Variants in DLEC1 observed in about 807,000 individuals in gnomAD.
The protein encoded by DLEC1 is DLEC1 cilia and flagella associated protein, also known as deleted in lung and esophageal cancer protein 1.
Under a neutral mutation model 198.1 loss-of-function variants are expected in DLEC1, and 146 were observed. That is an observed-to-expected ratio of 0.74 (90% CI 0.64 to 0.85). DLEC1 has a LOEUF of 0.85. Among genes scored for constraint, DLEC1 ranks in the 40% least tolerant of loss-of-function variants. DLEC1 has a pLI of 0.00. For missense variants in DLEC1, 2,233 were observed against 2,220.0 expected, an observed-to-expected ratio of 1.01 and a Z score of -0.12; for synonymous variants, 897 against 866.8, an observed-to-expected ratio of 1.03 and a Z score of -0.61.
rs1256337356 is a variant in DLEC1, at chr3:38,092,754, A to G, written c.1666-36A>G. The G allele has an allele frequency of 3.1e-6, 5 of 1,591,030 alleles. No homozygotes were observed. In the African/African-American group the frequency reaches 6.7e-5, roughly 21 times the overall value. On this transcript the variant is annotated intron_variant, in intron 10 of 36. Coordinates refer to ENST00000308059, the MANE Select transcript of DLEC1 (RefSeq NM_007335.4). Reference sequence around the variant, plus strand: ...GAGGCGGGGAGGGTGGAAGCCCTTTAATGGGAGGTAACGGAACAACCCTTC... The same window carrying G: ...GAGGCGGGGAGGGTGGAAGCCCTTTGATGGGAGGTAACGGAACAACCCTTC...
intron 2 of DLEC1, among the ~76,000 whole-genome samples, chr3:38,052,699 G>A (rs913602057): frequency 2.0e-5 from 3 of 152,122 alleles, no homozygotes; most frequent in African/African-American, 7.2e-5. Context: ...CTTGCATTGG[G>A]GTGGCCAAAG....
chr3:38,095,505 A>C (rs1698967574), intron 13 of DLEC1: 1 of 305,822 alleles, frequency 3.3e-6, no homozygotes, highest in Non-Finnish European at 6.2e-6. Flanking sequence ...CATGAAAAGG[A>C]TGCTCCGGGG....
In DLEC1 at chr3:38,039,767, G is replaced by A. The variant is rs74733931; in HGVS notation, c.411+131G>A. On this transcript the variant is annotated intron_variant, in intron 1 of 36. Transcript: ENST00000308059. ...CAGTTGAGAAACAGCCCATCATGCC[G>A]AAGTGGGCCCGACATTCTAGTGGAA... 1.8e-3 allele frequency: 2,282 copies of A among 1,247,248 alleles called. 34 individuals carry two copies. The African/African-American group carries it at 0.029, about 16-fold the overall frequency. The allele number at this position is 1,247,248 out of a possible 1,614,324, so 77.3% of individuals were successfully genotyped here.
chr3:38,122,623 A>G lies in DLEC1; in HGVS notation c.*211A>G, dbSNP rs1205611931. On this transcript the variant is annotated 3_prime_UTR_variant, in exon 37 of 37. Transcript: ENST00000308059. Reference sequence around the variant, plus strand: ...TAACATAAAGGACAGGCCACACCACAGCAGAGACCACCACATTGAGATCAC... The same window carrying G: ...TAACATAAAGGACAGGCCACACCACGGCAGAGACCACCACATTGAGATCAC... The G allele has an allele frequency of 2.0e-6, 3 of 1,526,606 alleles. No homozygotes were observed. Among genetic ancestry groups the G allele is most frequent in the Non-Finnish European group, 2.6e-6 (3 of 1,142,208 alleles). 94.6% of individuals were successfully genotyped at this position (1,526,606 alleles called of 1,614,324 possible). A position where few individuals can be genotyped will look rare whatever the true frequency, so the allele number is the denominator to read the frequency against.
chr3:38,066,104 A>T (rs967866039), intron 6 of DLEC1, among the ~76,000 whole-genome samples: 6 of 152,178 alleles, frequency 3.9e-5, no homozygotes, highest in Admixed American at 3.9e-4. Context: ...ATTGCAATCC[A>T]TCAGGAGGAA....
Position 38,112,465 on chromosome 3 carries a change from C to G in DLEC1, c.3666+104C>G. On this transcript the variant is annotated intron_variant, in intron 25 of 36. Transcript: ENST00000308059. This position sits in a 1 kb window ranked among gnomAD's most constrained non-coding sequence, Gnocchi z 4.8. ...ACACCTGGCCCTCAGACTCTCAAAC[C>G]TCACCAGGTTGAAACGCGATGCCCA... The G allele has an allele frequency of 6.6e-7, 1 of 1,526,442 alleles. No homozygotes were observed. The highest frequency in any genetic ancestry group is 8.9e-7 in the Non-Finnish European group (1 of 1,119,734). The allele number at this position is 1,526,442 out of a possible 1,614,324, so 94.6% of individuals were successfully genotyped here.
At chr3:38,102,876 G>C (rs887515038) in intron 19 of DLEC1, among the ~76,000 whole-genome samples, 11 of 152,220 alleles carry the variant, frequency 7.2e-5, no homozygotes, top group African/African-American at 2.2e-4. Context: ...ACAGTTGAGA[G>C]GTCCAGTGTT....
At position 38,062,357 on chromosome 3, in the gene DLEC1, G is replaced by A. The variant is rs746980614; in HGVS notation, c.862G>A (p.Glu288Lys). 6.2e-7 allele frequency: 1 copy of A among 1,614,190 alleles called. No individual in the cohort carries two copies. The highest frequency in any genetic ancestry group is 8.5e-7 in the Non-Finnish European group (1 of 1,180,052). Residue 288 changes from glutamate to lysine, a missense_variant, in exon 4 of 37, where the codon GAA becomes AAA. By Grantham distance (56) the Glu-to-Lys change is moderately conservative. Coordinates refer to ENST00000308059, the MANE Select transcript of DLEC1 (RefSeq NM_007335.4). Reference protein sequence around the residue: ...LTPKAKERTREPLKKASQPRN... With the variant: ...LTPKAKERTRKPLKKASQPRN... ...TCCTAAGGCCAAAGAAAGGACCAGA[G>A]AACCTCTCAAGGTCAGTTTGGAAGG...
intron 33 of DLEC1, among the ~76,000 whole-genome samples, chr3:38,118,236 A>G (rs1375920128): frequency 6.6e-6 from 1 of 152,144 alleles, no homozygotes; most frequent in Non-Finnish European, 1.5e-5. Context: ...GCATGGCCAC[A>G]CCAGACGTTG....
intron 3 of DLEC1, among the ~76,000 whole-genome samples, chr3:38,060,814 C>T (rs1020217878): frequency 7.2e-5 from 11 of 152,106 alleles, no homozygotes; most frequent in African/African-American, 2.4e-4. Context: ...CCTTCCTCAG[C>T]CTCCCAAGTA....
chr3:38,117,498 T>C (rs1370485940), intron 31 of DLEC1, 29 bp from the exon 32 acceptor site: 1 of 1,613,912 alleles, frequency 6.2e-7, no homozygotes, highest in African/African-American at 1.3e-5. Flanking sequence ...GGCGCCCGGC[T>C]TGCCCCAACA....
intron 2 of DLEC1, among the ~76,000 whole-genome samples, chr3:38,055,564 C>G (rs1198773390): frequency 6.6e-6 from 1 of 151,994 alleles, no homozygotes; most frequent in Non-Finnish European, 1.5e-5. Flanking sequence ...AGATGGGAAA[C>G]AGAATTTATC....
At chr3:38,092,675 G>T in intron 10 of DLEC1, 115 bp from the exon 11 acceptor site, 1 of 949,972 alleles carries the variant, frequency 1.1e-6, no homozygotes. Context: ...GCAGGGAGGG[G>T]AACAGAGAGT....
chr3:38,045,427 T>G, intron 1 of DLEC1, 116 bp from the exon 2 acceptor site: 1 of 1,336,094 alleles, frequency 7.5e-7, no homozygotes, highest in Non-Finnish European at 1.0e-6. Flanking sequence ...TTGGAATAGT[T>G]CTCTGACTAT....
rs1475162479 is a variant in DLEC1 at position 38,122,742 on chromosome 3, T to C, written c.*330T>C. On this transcript the variant is annotated 3_prime_UTR_variant, in exon 37 of 37. Coordinates refer to ENST00000308059, the MANE Select transcript of DLEC1 (RefSeq NM_007335.4). ...AATTCATGCACTTTTACTATGCCCA[T>C]TGCACTTCTCATCCATGGATTTGCC... The C allele has an allele frequency of 1.2e-5, 16 of 1,290,896 alleles. No homozygotes were observed. Among genetic ancestry groups the C allele is most frequent in the East Asian group, 5.5e-5 (2 of 36,472 alleles). 80.0% of individuals were successfully genotyped at this position (1,290,896 alleles called of 1,614,324 possible).
intron 19 of DLEC1, 146 bp from the exon 20 acceptor site, chr3:38,107,437 CT>C: frequency 1.3e-6 from 1 of 748,166 alleles, no homozygotes; most frequent in East Asian, 3.0e-5. Flanking sequence ...TATCCTGAAA[CT>C]TTGCCGAACC....
intron 7 of DLEC1, among the ~76,000 whole-genome samples, 177 bp downstream of exon 7, chr3:38,084,422 GGTAGTA>G (rs879004281): frequency 1.2e-5 from 1 of 84,564 alleles, no homozygotes; most frequent in Non-Finnish European, 2.4e-5. Flanking sequence ...TAGTAGTAGT[GGTAGTA>G]GTAGTAGTGG....
At chr3:38,089,395 G>T (rs377474341) in intron 10 of DLEC1, among the ~76,000 whole-genome samples, 5 of 152,218 alleles carry the variant, frequency 3.3e-5, no homozygotes, top group Admixed American at 6.5e-5. Context: ...GTCAGGAAGG[G>T]CTTCCTCTTA....
intron 7 of DLEC1, among the ~76,000 whole-genome samples, chr3:38,084,698 G>T (rs1450330106): frequency 1.3e-5 from 2 of 150,408 alleles, no homozygotes; most frequent in Non-Finnish European, 3.0e-5. Context: ...TGAGTCTACA[G>T]CCTGGGCCTG....
Sources: gnomAD v4.1 joint callset for allele counts (sites outside exome capture counted in the v4.1 genomes callset) on GRCh38, gnomAD v4.1.1 for gene constraint, Gnocchi (gnomAD v3.1) non-coding constraint, MANE v1.5 for transcripts, NCBI Gene and HGNC (gene_info 2026-07-23, HGNC 2026-07-21) for gene names.